The following MMP20 variants were observed in gnomAD, a reference collection of about 807,000 sequenced individuals.
MMP20 encodes the protein matrix metallopeptidase 20.
In MMP20, 50 loss-of-function variants were observed where a neutral mutation model predicts 51.8. That is an observed-to-expected ratio of 0.97 (90% confidence interval 0.77 to 1.22). The LOEUF (loss-of-function observed/expected upper bound fraction) is 1.22, where lower values mean the gene tolerates loss of function less well. MMP20 is among the 50% of genes most tolerant of loss of function. The pLI is 0.00. For missense variants in MMP20, 663 were observed against 601.4 expected, an observed-to-expected ratio of 1.10 and a Z score of -1.07; for synonymous variants, 244 against 216.2, an observed-to-expected ratio of 1.13 and a Z score of -1.13.
At chr11:102,591,425 A>G (rs1859315259) in intron 8 of MMP20, among the ~76,000 whole-genome samples, 1 of 152,196 alleles carries the variant, frequency 6.6e-6, no homozygotes, top group African/African-American at 2.4e-5. Flanking sequence ...GCAATTTGTT[A>G]TGCATCACAA....
chr11:102,579,805 C>CG (rs1555074690), intron 8 of MMP20, among the ~76,000 whole-genome samples: 3 of 151,814 alleles, frequency 2.0e-5, no homozygotes, highest in African/African-American at 7.3e-5. Context: ...TCTGTTAACT[C>CG]AAAAAAAACT....
At chr11:102,609,483 G>T (rs188031666) in intron 4 of MMP20, among the ~76,000 whole-genome samples, 1 of 152,114 alleles carries the variant, frequency 6.6e-6, no homozygotes, top group Non-Finnish European at 1.5e-5. Flanking sequence ...TGATCCACAC[G>T]TTTCACACTG....
At chr11:102,624,752 C>A (rs964815697) in intron 1 of MMP20, among the ~76,000 whole-genome samples, 6 of 152,108 alleles carry the variant, frequency 3.9e-5, no homozygotes, top group Non-Finnish European at 8.8e-5. Context: ...ATATAAGAGC[C>A]ATTTAAAAAG....
intron 7 of MMP20, among the ~76,000 whole-genome samples, chr11:102,594,126 T>C (rs1034014604): frequency 6.6e-6 from 1 of 152,242 alleles, no homozygotes; most frequent in Non-Finnish European, 1.5e-5. Context: ...AGCCATTAGA[T>C]AACTTTCCAA....
intron 8 of MMP20, among the ~76,000 whole-genome samples, chr11:102,581,772 A>T (rs1044659896): frequency 8.5e-5 from 13 of 152,312 alleles, no homozygotes; most frequent in African/African-American, 2.4e-4. Context: ...TGAAAGGTGG[A>T]TGGGACAATG....
chr11:102,601,874 C>T (rs561468031), intron 6 of MMP20, among the ~76,000 whole-genome samples: 2 of 152,242 alleles, frequency 1.3e-5, no homozygotes, highest in Non-Finnish European at 2.9e-5. Context: ...CCTCAGAATG[C>T]CTTTTATTAA....
At position 102,593,542 on chromosome 11, in the gene MMP20, T is replaced by C; in HGVS notation, c.1144A>G (p.Ile382Val). ...GFQMQGPPRT[I>V]YDFGFPRHVQ... ...TGCCTTGGAAATCCAAAGTCATAAA[T>C]AGTCCGAGGAGGACCTTGCATTTGG... The change falls in exon 8 of 10, where the codon ATT becomes GTT. Residue 382 changes from isoleucine to valine, a missense_variant. Physicochemically the swap from Ile to Val is conservative, Grantham distance 29. Transcript: ENST00000260228. 2 of 1,614,136 alleles carry C rather than the reference T, an allele frequency of 1.2e-6. No homozygotes were observed. The highest frequency in any genetic ancestry group is 1.7e-6 in the Non-Finnish European group (2 of 1,179,978).
chr11:102,612,258 A>C (rs1859611581), intron 2 of MMP20, among the ~76,000 whole-genome samples: 1 of 152,204 alleles, frequency 6.6e-6, no homozygotes, highest in African/African-American at 2.4e-5. Flanking sequence ...TGAGGTCAAG[A>C]GTTCGAGATC....
rs879281977 is a variant in MMP20 at position 102,601,132 on chromosome 11, T to A, written c.953+5403A>T. ...CACGAAGTGTCGGCTATTCTTTTTT[T>A]TTTTTTTTTTTTTTTTTTGAGACGG... is the stretch of plus-strand genomic sequence containing the variant. On this transcript the variant is annotated intron_variant, in intron 6 of 9. Transcript: ENST00000260228. Among the ~76,000 whole-genome samples, 188 of 39,224 alleles carry A rather than the reference T, an allele frequency of 4.8e-3. 12 individuals are homozygous for A. The highest frequency in any genetic ancestry group is 0.041 in the Middle Eastern group (3 of 74). 25.7% of individuals were successfully genotyped at this position (39,224 alleles called of 152,430 possible). A position where few individuals can be genotyped will look rare whatever the true frequency, so the allele number is the denominator to read the frequency against.
In MMP20 at chr11:102,579,071, T is replaced by A; in HGVS notation, c.1319A>T (p.Asn440Ile). 6.2e-7 allele frequency: 1 copy of A among 1,613,688 alleles called. No homozygotes were observed. Among genetic ancestry groups the A allele is most frequent in the South Asian group, 1.1e-5 (1 of 91,074 alleles). The change falls in exon 9 of 10, where the codon AAT becomes ATT. Residue 440 changes from asparagine to isoleucine, a missense_variant. Coordinates refer to ENST00000260228, the MANE Select transcript of MMP20 (RefSeq NM_004771.4). The stretch of plus-strand genomic sequence containing the variant: ...TTCTACAGCAGCATCGATTTGGCCA[T>A]TTACTCCTGAAAATTCTTCTTCAGT... ...KNTEEEFSGV[N>I]GQIDAAVELN...
At chr11:102,624,659 G>A (rs1008377229) in intron 1 of MMP20, among the ~76,000 whole-genome samples, 1 of 151,918 alleles carries the variant, frequency 6.6e-6, no homozygotes, top group Non-Finnish European at 1.5e-5. Flanking sequence ...TATGCTTTAG[G>A]GAGAAAAGGC....
In MMP20 at chr11:102,578,644, G is replaced by A. The variant is rs539497201; in HGVS notation, c.1351+395C>T. 2.6e-5 allele frequency among the ~76,000 whole-genome samples: 4 copies of A among 152,318 alleles called. No individual in the cohort carries two copies. In the East Asian group the frequency reaches 5.8e-4, roughly 22 times the overall value. ...CCAGCTACTTGGGAGGCTGAGGTAG[G>A]AGAATCGCTCGAATCTGGGAGGCAG... is the stretch of plus-strand genomic sequence containing the variant. On this transcript the variant is annotated intron_variant, in intron 9 of 9. Coordinates refer to ENST00000260228, the MANE Select transcript of MMP20 (RefSeq NM_004771.4).
intron 6 of MMP20, among the ~76,000 whole-genome samples, chr11:102,601,949 TTC>T (rs1363743321): frequency 9.4e-6 from 1 of 106,102 alleles, no homozygotes; most frequent in African/African-American, 3.8e-5. Context: ...TTTTCTTTCT[TTC>T]TTTTTTTTTT....
At chr11:102,610,484 A>G (rs1591620414) in intron 3 of MMP20, among the ~76,000 whole-genome samples, 1 of 152,222 alleles carries the variant, frequency 6.6e-6, no homozygotes, top group East Asian at 1.9e-4. Context: ...AGTGAATTGA[A>G]CAAGTGTGTG....
rs1180184111 is a variant in MMP20 at position 102,579,074 on chromosome 11, A to G, written c.1316T>C (p.Val439Ala). The G allele has an allele frequency of 1.2e-6, 2 of 1,613,722 alleles. No homozygotes were observed. Among genetic ancestry groups the G allele is most frequent in the Non-Finnish European group, 1.7e-6 (2 of 1,179,664 alleles). Residue 439 changes from valine (V) to alanine (A), a missense_variant, in exon 9 of 10, where the codon GTA becomes GCA. By Grantham distance (64) the Val-to-Ala change is moderately conservative. Coordinates refer to ENST00000260228, the MANE Select transcript of MMP20 (RefSeq NM_004771.4). The part of the protein sequence containing the change: ...PKNTEEEFSG[V>A]NGQIDAAVEL... ...TACAGCAGCATCGATTTGGCCATTT[A>G]CTCCTGAAAATTCTTCTTCAGTATT...
Position 102,602,520 on chromosome 11 carries a change from A to C in MMP20, c.953+4015T>G, listed in dbSNP as rs139128344. ...GTGCTCTTCCTACTAACTCAAATGC[A>C]TAACAGTCAATGGGCATATGTTCAT... On this transcript the variant is annotated intron_variant, in intron 6 of 9. Coordinates refer to ENST00000260228, the MANE Select transcript of MMP20 (RefSeq NM_004771.4). 8.5e-5 allele frequency among the ~76,000 whole-genome samples: 13 copies of C among 152,312 alleles called. No individual in the cohort carries two copies. The East Asian group carries it at 2.5e-3, about 29-fold the overall frequency.
At chr11:102,591,456 T>TA (rs1190102835) in intron 8 of MMP20, among the ~76,000 whole-genome samples, 4 of 152,244 alleles carry the variant, frequency 2.6e-5, no homozygotes, top group Non-Finnish European at 5.9e-5. Flanking sequence ...AATTATTTGT[T>TA]AGTTACCATA....
chr11:102,621,514 G>A (rs1286542855), intron 1 of MMP20, among the ~76,000 whole-genome samples: 1 of 152,200 alleles, frequency 6.6e-6, no homozygotes, highest in Non-Finnish European at 1.5e-5. Context: ...GTGAGTGTGA[G>A]GATCCAATGA....
chr11:102,607,511 G>A (rs1385800193), intron 5 of MMP20: 1 of 152,396 alleles, frequency 6.6e-6, no homozygotes, highest in Admixed American at 6.5e-5. Context: ...CTCTGATAAG[G>A]GTCAGATGAG....
Sources: allele counts gnomAD v4.1 joint callset (sites outside exome capture counted in the v4.1 genomes callset), GRCh38; gene constraint gnomAD v4.1.1; transcripts MANE v1.5; gene names NCBI Gene and HGNC (gene_info 2026-07-23, HGNC 2026-07-21).